Variants in PLA2G6 observed in about 807,000 individuals in gnomAD.
The protein encoded by PLA2G6 is 85/88 kDa calcium-independent phospholipase A2.
In PLA2G6, 62 loss-of-function variants were observed where a neutral mutation model predicts 83.8. The observed-to-expected ratio is 0.74, with a 90% CI of 0.60 to 0.91. The LOEUF (loss-of-function observed/expected upper bound fraction) is 0.91, where lower values mean the gene tolerates loss of function less well. PLA2G6 is among the 40% of genes least tolerant of loss of function. The pLI is 0.00. For synonymous variants in PLA2G6, 417 were observed against 449.8 expected, an observed-to-expected ratio of 0.93 and a Z score of 0.92; for missense variants, 944 against 1,102.0, an observed-to-expected ratio of 0.86 and a Z score of 2.03.
intron 6 of PLA2G6, chr22:38,134,044 G>C (rs919837144): frequency 1.1e-4 from 16 of 152,192 alleles, no homozygotes; most frequent in African/African-American, 3.9e-4. Context: ...CATCTAATCA[G>C]CTGCCAGCAC....
chr22:38,174,860 T>C (rs2090573595), intron 1 of PLA2G6, among the ~76,000 whole-genome samples: 1 of 152,094 alleles, frequency 6.6e-6, no homozygotes, highest in African/African-American at 2.4e-5. Flanking sequence ...AGGGCTGCTA[T>C]GTCAGTCACG....
At chr22:38,180,764 G>A (rs879519029) in intron 1 of PLA2G6, among the ~76,000 whole-genome samples, 3 of 152,154 alleles carry the variant, frequency 2.0e-5, no homozygotes, top group Non-Finnish European at 4.4e-5. Flanking sequence ...TGAACCTCAT[G>A]GCAGACTTAC....
At position 38,123,296 on chromosome 22, in the gene PLA2G6, G is replaced by C; in HGVS notation, c.1428-38C>G. On this transcript the variant is annotated intron_variant, in intron 10 of 16. Coordinates refer to ENST00000332509, the MANE Select transcript of PLA2G6 (RefSeq NM_003560.4). The surrounding 1 kb of genome is among the most constrained non-coding windows in gnomAD (Gnocchi z 4.1). ...CAGCAGTGGGAGAGAGGAGGGTCCT[G>C]CCACAGCCCAGTACTTTACATCCAC... 3 of 1,546,830 alleles carry C rather than the reference G, an allele frequency of 1.9e-6. No individual in the cohort carries two copies. The highest frequency in any genetic ancestry group is 2.6e-6 in the Non-Finnish European group (3 of 1,143,290).
intron 2 of PLA2G6, among the ~76,000 whole-genome samples, chr22:38,162,585 T>C (rs1312762364): frequency 2.0e-5 from 3 of 152,218 alleles, no homozygotes; most frequent in Middle Eastern, 3.4e-3. Flanking sequence ...CTGCTGTCAC[T>C]GGCGATGATA....
At chr22:38,150,964 G>A (rs1396564248) in intron 2 of PLA2G6, among the ~76,000 whole-genome samples, 1 of 152,178 alleles carries the variant, frequency 6.6e-6, no homozygotes, top group East Asian at 1.9e-4. Flanking sequence ...GTGCATGCCT[G>A]TAGCCCCAGC....
chr22:38,112,891 CT>C (rs1569240051), intron 15 of PLA2G6: 3 of 278,716 alleles, frequency 1.1e-5, no homozygotes, highest in South Asian at 4.0e-5. Context: ...CCTCCCTCCT[CT>C]CTCTCTCTCT....
chr22:38,157,107 GAAAT>G (rs1157063347), intron 2 of PLA2G6, among the ~76,000 whole-genome samples: 1 of 151,714 alleles, frequency 6.6e-6, no homozygotes, highest in Non-Finnish European at 1.5e-5. Context: ...TAGAAGAAAA[GAAAT>G]AATAAAGATC....
chr22:38,176,637 G>A (rs957180878), intron 1 of PLA2G6, among the ~76,000 whole-genome samples: 16 of 152,140 alleles, frequency 1.1e-4, no homozygotes, highest in South Asian at 6.2e-4. Context: ...CACACAGCAC[G>A]GGAGCATGCC....
Position 38,112,223 on chromosome 22 carries a change from C to T in PLA2G6, c.2359G>A (p.Val787Ile), listed in dbSNP as rs756904560. The T allele has an allele frequency of 6.2e-7, 1 of 1,611,066 alleles. No homozygotes were observed. Among genetic ancestry groups the T allele is most frequent in the Admixed American group, 1.7e-5 (1 of 59,662 alleles). Residue 787 changes from valine (V) to isoleucine (I), a missense_variant, in exon 17 of 17, where the codon GTC (valine) becomes ATC (isoleucine). Transcript: ENST00000332509. Reference sequence around the variant, plus strand: ...TCCTCGCGGTGCTCATAGATGTAGACCTCGGTCTCCCAGAGGGCGTTGACC... The same window carrying T: ...TCCTCGCGGTGCTCATAGATGTAGATCTCGGTCTCCCAGAGGGCGTTGACC... ...VLVNALWETE[V>I]YIYEHREEFQ... is the part of the protein sequence containing the mutation.
At chr22:38,153,611 G>C (rs1432286526) in intron 2 of PLA2G6, among the ~76,000 whole-genome samples, 1 of 151,168 alleles carries the variant, frequency 6.6e-6, no homozygotes, top group African/African-American at 2.4e-5. Context: ...ACTCCAGCCT[G>C]GGTGAAAGAG....
intron 10 of PLA2G6, among the ~76,000 whole-genome samples, chr22:38,126,011 G>T (rs2087831046): frequency 6.6e-6 from 1 of 152,188 alleles, no homozygotes; most frequent in Admixed American, 6.5e-5. Context: ...GGTTAAGGAA[G>T]CCAGTAGGAG....
chr22:38,115,578 C>T lies in PLA2G6; in HGVS notation c.1983G>A (p.Thr661=), dbSNP rs150572286. 8.0e-5 allele frequency: 129 copies of T among 1,613,438 alleles called. No homozygotes were observed. Among genetic ancestry groups the T allele is most frequent in the Middle Eastern group, 1.7e-4 (1 of 6,038 alleles). Residue 661 remains threonine (T), a synonymous_variant, in exon 14 of 17, where the codon ACG becomes ACA. Coordinates refer to ENST00000332509, the MANE Select transcript of PLA2G6 (RefSeq NM_003560.4). ...CATGGATCTCGGTCATGGCATCCAG[C>T]GTGGGGTTGTTGGCCAGCAGCCCAC... ...LDGGLLANNP[T]LDAMTEIHEY...
chr22:38,161,190 A>G (rs2089994834), intron 2 of PLA2G6, among the ~76,000 whole-genome samples: 2 of 152,224 alleles, frequency 1.3e-5, no homozygotes, highest in Non-Finnish European at 2.9e-5. Context: ...TCAGGACATT[A>G]TAACAGAAAA....
intron 10 of PLA2G6, 75 bp downstream of exon 10, chr22:38,126,296 C>T: frequency 8.9e-7 from 1 of 1,127,630 alleles, no homozygotes; most frequent in Non-Finnish European, 1.4e-6. Context: ...AAGCCCTGAG[C>T]CCACAACAGG....
At chr22:38,130,827 C>T (rs8140579) in intron 7 of PLA2G6, 13 of 151,604 alleles carry the variant, frequency 8.6e-5, no homozygotes, top group African/African-American at 3.1e-4. Context: ...CATGGAGAAA[C>T]CCCGTCTCTA....
rs554331139 is a variant in PLA2G6 at position 38,159,951 on chromosome 22, C to T, written c.209+9267G>A. Among the ~76,000 whole-genome samples the T allele has an allele frequency of 7.2e-5, 11 of 152,172 alleles. No homozygotes were observed. The South Asian group carries it at 1.9e-3, about 26-fold the overall frequency. On this transcript the variant is annotated intron_variant, in intron 2 of 16. Coordinates refer to ENST00000332509, the MANE Select transcript of PLA2G6 (RefSeq NM_003560.4). ...TTAAAAGAATAAAAAGGCAAAACACCGTGTGTGCAGCTGAACACGTATCAC... is the reference window on the plus strand; with the variant it reads ...TTAAAAGAATAAAAAGGCAAAACACTGTGTGTGCAGCTGAACACGTATCAC...
In PLA2G6 at chr22:38,113,639, C is replaced by G. The variant is rs914919612; in HGVS notation, c.2050G>C (p.Val684Leu). ...GAGACAACGATGGAGAGTTTCTTCA[C>G]CTTGTTGGCCTGACCCTGTTGGGAA... ...DLIRKGQANKVKKLSIVVSLG... is the reference protein window; with the variant it reads ...DLIRKGQANKLKKLSIVVSLG... Residue 684 changes from valine (V) to leucine (L), a missense_variant, in exon 15 of 17, where the codon GTG (valine) becomes CTG (leucine). Val to Leu is a conservative substitution (Grantham distance 32). Transcript: ENST00000332509. 6.2e-7 allele frequency: 1 copy of G among 1,613,690 alleles called. No homozygotes were observed. The highest frequency in any genetic ancestry group is 1.3e-5 in the African/African-American group (1 of 74,910).
At chr22:38,159,761 G>GAAGGAAGGAAGGAAGGAAGGA (rs543554981) in intron 2 of PLA2G6, among the ~76,000 whole-genome samples, 11 of 150,358 alleles carry the variant, frequency 7.3e-5, no homozygotes, top group African/African-American at 2.7e-4. Context: ...AGGAAGGAAG[G>GAAGGAAGGAAGGAAGGAAGGA]AGATCTTCAA....
At chr22:38,168,387 T>C (rs888010031) in intron 2 of PLA2G6, among the ~76,000 whole-genome samples, 6 of 152,230 alleles carry the variant, frequency 3.9e-5, no homozygotes, top group African/African-American at 7.2e-5. Context: ...GCTTCTCCCC[T>C]TTTCCCAACC....
Sources: allele counts gnomAD v4.1 joint callset (sites outside exome capture counted in the v4.1 genomes callset), GRCh38; gene constraint gnomAD v4.1.1; non-coding constraint Gnocchi (gnomAD v3.1); transcripts MANE v1.5; gene names NCBI Gene and HGNC (gene_info 2026-07-23, HGNC 2026-07-21).